The following AGPS variants were observed in gnomAD, a reference collection of about 807,000 sequenced individuals.
AGPS encodes alkyldihydroxyacetonephosphate synthase, peroxisomal.
In AGPS, 26 loss-of-function variants were observed where a neutral mutation model predicts 90.7. The ratio of observed to expected loss-of-function variants is 0.29; its 90% CI spans 0.21 to 0.40. AGPS has a LOEUF of 0.40. AGPS is among the 10% of genes least tolerant of loss of function. The pLI is 1.00. For missense variants in AGPS, 540 were observed against 816.1 expected, an observed-to-expected ratio of 0.66 and a Z score of 4.12; for synonymous variants, 294 against 285.3, an observed-to-expected ratio of 1.03 and a Z score of -0.31.
At chr2:177,518,012 C>G (rs1322795952) in intron 17 of AGPS, among the ~76,000 whole-genome samples, 9 of 152,148 alleles carry the variant, frequency 5.9e-5, no homozygotes, top group African/African-American at 2.2e-4. Context: ...CATGGTAGAT[C>G]ATCTCAGAAG....
At chr2:177,492,203 G>T (rs568732152) in intron 11 of AGPS, among the ~76,000 whole-genome samples, 16 of 152,290 alleles carry the variant, frequency 1.1e-4, no homozygotes, top group African/African-American at 3.9e-4. Flanking sequence ...ACAAGTTGCT[G>T]GTAGGAACTT....
intron 12 of AGPS, among the ~76,000 whole-genome samples, chr2:177,493,982 A>G (rs1016093321): frequency 2.0e-5 from 3 of 152,234 alleles, no homozygotes; most frequent in Non-Finnish European, 4.4e-5. Context: ...GACAACACCT[A>G]GACTGATTTG....
intron 8 of AGPS, among the ~76,000 whole-genome samples, chr2:177,461,120 G>T (rs999004069): frequency 5.3e-5 from 8 of 152,198 alleles, no homozygotes; most frequent in Non-Finnish European, 1.0e-4. Context: ...CTTGAGTGTA[G>T]CAGACAGCGG....
intron 17 of AGPS, among the ~76,000 whole-genome samples, chr2:177,514,323 ATAT>A (rs1285704003): frequency 6.6e-6 from 1 of 152,164 alleles, no homozygotes; most frequent in Admixed American, 6.6e-5. Flanking sequence ...TCAAGCTCTA[ATAT>A]TATCAGTAAA....
chr2:177,409,451 A>C (rs1487033522), intron 1 of AGPS, among the ~76,000 whole-genome samples: 2 of 146,948 alleles, frequency 1.4e-5, no homozygotes, highest in Non-Finnish European at 3.0e-5. Flanking sequence ...CCTCTTTACT[A>C]TCTGATTGGT....
intron 2 of AGPS, among the ~76,000 whole-genome samples, chr2:177,425,222 AG>A (rs1349970572): frequency 6.6e-6 from 1 of 152,068 alleles, no homozygotes; most frequent in African/African-American, 2.4e-5. Context: ...TTTACATTTA[AG>A]TCTTTAATCC....
chr2:177,502,508 C>T (rs1688589877), intron 14 of AGPS, among the ~76,000 whole-genome samples: 1 of 150,146 alleles, frequency 6.7e-6, no homozygotes, highest in Admixed American at 6.7e-5. Flanking sequence ...CTCAGCCTCC[C>T]TGGGCTCAAA....
intron 10 of AGPS, among the ~76,000 whole-genome samples, chr2:177,471,025 C>G (rs896264614): frequency 2.6e-5 from 4 of 152,086 alleles, no homozygotes; most frequent in African/African-American, 9.7e-5. Context: ...GTAGTAAATA[C>G]TGTTGTAGCT....
intron 3 of AGPS, 22 bp from the exon 4 acceptor site, chr2:177,436,742 A>G (rs1254028959): frequency 6.2e-7 from 1 of 1,608,454 alleles, no homozygotes; most frequent in African/African-American, 1.3e-5. Flanking sequence ...AATAAGTCAA[A>G]GAAATCAATT....
intron 5 of AGPS, among the ~76,000 whole-genome samples, chr2:177,439,134 G>T (rs537346333): frequency 6.6e-6 from 1 of 152,286 alleles, no homozygotes; most frequent in Non-Finnish European, 1.5e-5. Context: ...TAGTATTTAT[G>T]CATTATTTTC....
chr2:177,507,871 A>C, intron 15 of AGPS, 99 bp from the exon 16 acceptor site: 1 of 908,172 alleles, frequency 1.1e-6, no homozygotes, highest in Non-Finnish European at 1.8e-6. Context: ...GTTAAATGAG[A>C]AACATGTGAT....
intron 19 of AGPS, among the ~76,000 whole-genome samples, chr2:177,532,083 G>A (rs755641685): frequency 4.0e-5 from 6 of 151,696 alleles, no homozygotes; most frequent in East Asian, 1.9e-4. Flanking sequence ...TTCTTAGACC[G>A]GACACTAAAA....
intron 11 of AGPS, 58 bp from the exon 12 acceptor site, chr2:177,493,090 C>A: frequency 7.1e-7 from 1 of 1,406,036 alleles, no homozygotes; most frequent in Non-Finnish European, 1.0e-6. Context: ...CACATTCTAC[C>A]TGTCTAGCTT....
intron 1 of AGPS, among the ~76,000 whole-genome samples, chr2:177,394,068 G>T (rs1461250225): frequency 6.6e-6 from 1 of 152,198 alleles, no homozygotes; most frequent in African/African-American, 2.4e-5. Context: ...TGACAGGTTA[G>T]AATTTGAAAG....
intron 12 of AGPS, 117 bp downstream of exon 12, chr2:177,493,316 A>T: frequency 2.2e-6 from 2 of 904,746 alleles, no homozygotes; most frequent in Non-Finnish European, 3.6e-6. Flanking sequence ...TTTCAGGAAG[A>T]TGTCAGTCTA....
intron 1 of AGPS, among the ~76,000 whole-genome samples, chr2:177,417,268 A>G (rs1685812840): frequency 6.6e-6 from 1 of 152,226 alleles, no homozygotes; most frequent in Admixed American, 6.5e-5. Flanking sequence ...TGTTTCATGC[A>G]CAAAACCATT....
rs540066840 is a variant in AGPS, at chr2:177,451,430, CT to C, written c.870+5813del. ...CTTTACTAAATTCACTAAATTTTAA[CT>C]TTTTTTTTGTAGATCTCATTGGATT... On this transcript the variant is annotated intron_variant, in intron 8 of 19. Coordinates refer to ENST00000264167, the MANE Select transcript of AGPS (RefSeq NM_003659.4). 7.3e-3 allele frequency among the ~76,000 whole-genome samples: 1,111 copies of C among 151,366 alleles called. 9 individuals are homozygous for C. The highest frequency in any genetic ancestry group is 0.023 in the African/African-American group (947 of 41,296).
At chr2:177,534,742 A>G (rs953098287) in intron 19 of AGPS, among the ~76,000 whole-genome samples, 8 of 151,706 alleles carry the variant, frequency 5.3e-5, no homozygotes, top group African/African-American at 1.9e-4. Context: ...GCGTGCCGCC[A>G]CATCCAGCTT....
At chr2:177,534,120 T>A (rs1238183716) in intron 19 of AGPS, among the ~76,000 whole-genome samples, 1 of 152,218 alleles carries the variant, frequency 6.6e-6, no homozygotes, top group Non-Finnish European at 1.5e-5. Flanking sequence ...GCTGGATTTA[T>A]CCCTTTTAGA....
Sources: gnomAD v4.1 joint callset for allele counts (sites outside exome capture counted in the v4.1 genomes callset) on GRCh38, gnomAD v4.1.1 for gene constraint, MANE v1.5 for transcripts, NCBI Gene and HGNC (gene_info 2026-07-23, HGNC 2026-07-21) for gene names.